SART1: variants seen among roughly 807,000 people sequenced by gnomAD.
SART1 encodes the protein spliceosome associated factor 1, recruiter of U4/U6.U5 tri-snRNP.
A neutral mutation model predicts 105.0 loss-of-function variants in SART1; 28 were observed. The observed-to-expected ratio is 0.27, with a 90% CI of 0.20 to 0.37. The LOEUF is 0.37. Ranked by LOEUF, SART1 falls within the 10% of genes least tolerant of loss-of-function variation. SART1 has a pLI of 1.00. For synonymous variants in SART1, 472 were observed against 462.9 expected (o/e 1.02, Z -0.25); for missense variants, 894 against 1,106.5 (o/e 0.81, Z 2.72).
intron 2 of SART1, 172 bp from the exon 3 acceptor site, chr11:65,964,343 C>T (rs1855205383): frequency 1.1e-6 from 1 of 876,254 alleles, no homozygotes; most frequent in Admixed American, 2.2e-5. Context: ...GGCTGGTGCC[C>T]ATGTTTCCTG....
intron 2 of SART1, 165 bp from the exon 3 acceptor site, chr11:65,964,350 C>A (rs1317162911): frequency 6.6e-6 from 6 of 906,744 alleles, no homozygotes; most frequent in Non-Finnish European, 1.1e-5. Context: ...GCCCATGTTT[C>A]CTGCTTTGGA....
At position 65,966,187 on chromosome 11, in the gene SART1, CCGAGGACGAGAG is replaced by C; in HGVS notation, c.953_964del (p.Glu318_Ser321del). On this transcript the variant is annotated inframe_deletion, in exon 8 of 20. Coordinates refer to ENST00000312397, the MANE Select transcript of SART1 (RefSeq NM_005146.5). ...AAGAAGCCTGACTACCTGCCCTATG[CCGAGGACGAGAG>C]CGTGGACGACCTGGCGCAGGCACGG... 1 of 1,613,968 alleles carries C rather than the reference CCGAGGACGAGAG, an allele frequency of 6.2e-7. No individual in the cohort carries two copies. The highest frequency in any genetic ancestry group is 1.3e-5 in the African/African-American group (1 of 75,004).
Position 65,976,325 on chromosome 11 carries a change from T to A in SART1, c.1573-70T>A. On this transcript the variant is annotated intron_variant, in intron 12 of 19. Coordinates refer to ENST00000312397, the MANE Select transcript of SART1 (RefSeq NM_005146.5). The surrounding 1 kb of genome is among the most constrained non-coding windows in gnomAD (Gnocchi z 5.1). ...TCTGGCTGCTGCCAGGGAGGACCCT[T>A]AGGTTCCTGGGTCTCAATGGCATCA... The A allele has an allele frequency of 7.0e-7, 1 of 1,436,856 alleles. No homozygotes were observed. 89.0% of individuals were successfully genotyped at this position (1,436,856 alleles called of 1,614,324 possible). A position where few individuals can be genotyped will look rare whatever the true frequency, so the allele number is the denominator to read the frequency against.
intron 2 of SART1, 184 bp from the exon 3 acceptor site, chr11:65,964,331 C>G: frequency 1.2e-6 from 1 of 839,800 alleles, no homozygotes; most frequent in Non-Finnish European, 2.0e-6. Flanking sequence ...AGACGCAGAC[C>G]AGGCTGGTGC....
Position 65,980,035 on chromosome 11 carries a change from C to A in SART1, c.*1005C>A, listed in dbSNP as rs1167163587. On this transcript the variant is annotated 3_prime_UTR_variant, in exon 20 of 20. Transcript: ENST00000312397. ...TGCTGAGGTGGGAGGATCACTTGAA[C>A]CTGGGAGACACAGGCTGCAGTGGGC... 6.6e-6 allele frequency among the ~76,000 whole-genome samples: 1 copy of A among 152,036 alleles called. No individual in the cohort carries two copies. The highest frequency in any genetic ancestry group is 1.5e-5 in the Non-Finnish European group (1 of 68,004).
chr11:65,978,490 C>A lies in SART1; in HGVS notation c.2173-110C>A. 1 of 1,048,590 alleles carries A rather than the reference C, an allele frequency of 9.5e-7. No homozygotes were observed. Among genetic ancestry groups the A allele is most frequent in the Non-Finnish European group, 1.4e-6 (1 of 699,980 alleles). The allele number at this position is 1,048,590 out of a possible 1,614,324, so 65.0% of individuals were successfully genotyped here. ...ATCCCCTTCCCACTGCACCCCAGGCCTGGCATTGGGGTCAATCAACACCCG... is the reference window on the plus strand; with the variant it reads ...ATCCCCTTCCCACTGCACCCCAGGCATGGCATTGGGGTCAATCAACACCCG... On this transcript the variant is annotated intron_variant, in intron 17 of 19. Coordinates refer to ENST00000312397, the MANE Select transcript of SART1 (RefSeq NM_005146.5). This position sits in a 1 kb window ranked among gnomAD's most constrained non-coding sequence, Gnocchi z 6.8.
Position 65,964,070 on chromosome 11 carries a change from C to T in SART1, c.314-4C>T. On this transcript the variant is annotated splice_polypyrimidine_tract_variant and splice_region_variant and intron_variant, in intron 1 of 19. Transcript: ENST00000312397. ...CTCCTGAGCCATGCTTCTTCTTGTT[C>T]CAGCTGCCAGCTCCAAAACTAGCTC... 1 of 1,611,308 alleles carries T rather than the reference C, an allele frequency of 6.2e-7. No individual in the cohort carries two copies. The highest frequency in any genetic ancestry group is 1.1e-5 in the South Asian group (1 of 91,062).
chr11:65,966,727 C>G lies in SART1; in HGVS notation c.1188+171C>G, dbSNP rs190508463. Among the ~76,000 whole-genome samples the G allele has an allele frequency of 2.0e-5, 3 of 152,306 alleles. No individual in the cohort carries two copies. In the East Asian group the frequency reaches 5.8e-4, roughly 29 times the overall value. ...GGGGAGGCACCAGGTGTGGATGGGTCAGGGCTGCTGAGCCAGATGGGCCCC... is the reference window on the plus strand; with the variant it reads ...GGGGAGGCACCAGGTGTGGATGGGTGAGGGCTGCTGAGCCAGATGGGCCCC... On this transcript the variant is annotated intron_variant, in intron 9 of 19. Coordinates refer to ENST00000312397, the MANE Select transcript of SART1 (RefSeq NM_005146.5).
intron 12 of SART1, among the ~76,000 whole-genome samples, chr11:65,973,209 T>A (rs1389827882): frequency 6.6e-6 from 1 of 152,122 alleles, no homozygotes; most frequent in Admixed American, 6.6e-5. Flanking sequence ...GTTTTTTGTT[T>A]TTTGTTTTTT....
Position 65,979,049 on chromosome 11 carries a change from G to T in SART1, c.*19G>T. The T allele has an allele frequency of 6.2e-7, 1 of 1,614,086 alleles. No individual in the cohort carries two copies. Among genetic ancestry groups the T allele is most frequent in the African/African-American group, 1.3e-5 (1 of 75,030 alleles). On this transcript the variant is annotated 3_prime_UTR_variant, in exon 20 of 20. Coordinates refer to ENST00000312397, the MANE Select transcript of SART1 (RefSeq NM_005146.5). ...CAAGTGACAGCGCCCTCCCGCCCCG[G>T]CCCTGCCTCAACCTTCATATTAAAT...
chr11:65,972,740 C>G (rs1855402914), intron 12 of SART1, among the ~76,000 whole-genome samples: 1 of 148,740 alleles, frequency 6.7e-6, no homozygotes, highest in African/African-American at 2.5e-5. Context: ...CTGACTATAT[C>G]ACAGATAGCT....
intron 2 of SART1, 127 bp from the exon 3 acceptor site, chr11:65,964,388 C>T (rs1590632660): frequency 8.6e-7 from 1 of 1,159,214 alleles, no homozygotes; most frequent in East Asian, 2.4e-5. Flanking sequence ...GTGTCCTAGG[C>T]TGCCTGGGGC....
Position 65,978,756 on chromosome 11 carries a change from C to T in SART1, c.2263-37C>T, listed in dbSNP as rs758130199. The stretch of plus-strand genomic sequence containing the variant: ...GGCAGGGGTGGCTGGTGTGTGGGGC[C>T]TGCTGCAGCCCTTTCTGAGTGGCCC... On this transcript the variant is annotated intron_variant, in intron 18 of 19. Coordinates refer to ENST00000312397, the MANE Select transcript of SART1 (RefSeq NM_005146.5). This position sits in a 1 kb window ranked among gnomAD's most constrained non-coding sequence, Gnocchi z 6.8. 6.2e-7 allele frequency: 1 copy of T among 1,613,882 alleles called. No homozygotes were observed. The highest frequency in any genetic ancestry group is 1.1e-5 in the South Asian group (1 of 91,068).
intron 12 of SART1, among the ~76,000 whole-genome samples, chr11:65,971,896 G>A (rs542179334): frequency 1.3e-5 from 2 of 152,156 alleles, no homozygotes; most frequent in South Asian, 4.1e-4. Context: ...AAGAAAGGCT[G>A]GAGAGAACAG....
chr11:65,964,661 T>C (rs1487461429), intron 3 of SART1, 91 bp downstream of exon 3: 43 of 1,278,988 alleles, frequency 3.4e-5, no homozygotes, highest in Non-Finnish European at 4.4e-5. Context: ...GGTTCAGCAC[T>C]GTTTAGTGGT....
chr11:65,967,860 C>G, intron 12 of SART1, 39 bp downstream of exon 12: 2 of 1,447,302 alleles, frequency 1.4e-6, no homozygotes, highest in Admixed American at 2.9e-5. Context: ...CGTCAGCAGT[C>G]ACCTGTCCTC....
Position 65,961,912 on chromosome 11 carries a change from C to T in SART1, c.132C>T (p.Gly44=), listed in dbSNP as rs1855150013. 5 of 1,539,810 alleles carry T rather than the reference C, an allele frequency of 3.2e-6. No individual in the cohort carries two copies. The highest frequency in any genetic ancestry group is 1.8e-4 in the Middle Eastern group (1 of 5,684). ...EHKKHKHRSG[G]SGGSGGERRK... ...AAAAACACAAGCACCGGAGTGGCGGCAGTGGCGGTAGCGGTGGCGAACGAC... is the reference window on the plus strand; with the variant it reads ...AAAAACACAAGCACCGGAGTGGCGGTAGTGGCGGTAGCGGTGGCGAACGAC... Residue 44 remains glycine (G), a synonymous_variant, in exon 1 of 20, where the codon GGC becomes GGT. Transcript: ENST00000312397.
In SART1 at chr11:65,976,530, G is replaced by C; in HGVS notation, c.1708G>C (p.Gly570Arg). ...CRTLGEIPTY[G>R]LAGNREEQEE... ...CACCTTGGGGGAGATCCCCACCTAC[G>C]GGCTGGCTGGCAATCGCGAGGAGCA... is the stretch of plus-strand genomic sequence containing the variant. The change falls in exon 13 of 20, where the codon GGG becomes CGG. Residue 570 changes from glycine to arginine, a missense_variant. Physicochemically the swap from Gly to Arg is moderately radical, Grantham distance 125. Transcript: ENST00000312397. The surrounding 1 kb of genome is among the most constrained non-coding windows in gnomAD (Gnocchi z 5.1). The C allele has an allele frequency of 1.2e-6, 2 of 1,606,916 alleles. No homozygotes were observed. Among genetic ancestry groups the C allele is most frequent in the Non-Finnish European group, 8.5e-7 (1 of 1,176,040 alleles).
chr11:65,965,823 G>A, intron 6 of SART1, 44 bp downstream of exon 6: 3 of 1,613,560 alleles, frequency 1.9e-6, no homozygotes, highest in Non-Finnish European at 1.7e-6. Flanking sequence ...TGGTGGCCTT[G>A]CTACCGGAAT....
Sources: gnomAD v4.1 joint callset for allele counts (sites outside exome capture counted in the v4.1 genomes callset) on GRCh38, gnomAD v4.1.1 for gene constraint, Gnocchi (gnomAD v3.1) non-coding constraint, MANE v1.5 for transcripts, NCBI Gene and HGNC (gene_info 2026-07-23, HGNC 2026-07-21) for gene names.